Variants in ADARB2 observed in about 807,000 individuals in gnomAD.
The protein encoded by ADARB2 is inactive double-stranded RNA-specific editase B2.
A neutral mutation model predicts 62.2 loss-of-function variants in ADARB2; 25 were observed. That is an observed-to-expected ratio of 0.40 (90% CI 0.29 to 0.56). The LOEUF (loss-of-function observed/expected upper bound fraction) is 0.56, where lower values mean the gene tolerates loss of function less well. Among genes scored for constraint, ADARB2 ranks in the 20% least tolerant of loss-of-function variants. ADARB2 has a pLI of 0.43. For synonymous variants in ADARB2, 572 were observed against 500.8 expected, an observed-to-expected ratio of 1.14 and a Z score of -1.90; for missense variants, 1,071 against 1,077.4, an observed-to-expected ratio of 0.99 and a Z score of 0.08.
chr10:1,428,372 C>T (rs993448865), intron 1 of ADARB2, among the ~76,000 whole-genome samples: 5 of 149,986 alleles, frequency 3.3e-5, no homozygotes, highest in Non-Finnish European at 5.9e-5. Flanking sequence ...CTGCAAGCTC[C>T]GCCTCCCAGG....
intron 1 of ADARB2, among the ~76,000 whole-genome samples, chr10:1,437,355 G>A (rs1037990720): frequency 1.3e-5 from 2 of 151,156 alleles, no homozygotes; most frequent in East Asian, 2.0e-4. Flanking sequence ...TTATTATGTC[G>A]TTTCTATGTA....
At chr10:1,327,287 T>A (rs1425554605) in intron 3 of ADARB2, among the ~76,000 whole-genome samples, 4 of 48,098 alleles carry the variant, frequency 8.3e-5, no homozygotes, top group East Asian at 5.9e-4. Flanking sequence ...GCCTCCTCAC[T>A]GCCCAGCGCC....
intron 1 of ADARB2, among the ~76,000 whole-genome samples, chr10:1,451,944 AT>A (rs924415478): frequency 3.3e-5 from 5 of 151,384 alleles, no homozygotes; most frequent in African/African-American, 9.7e-5. Flanking sequence ...ATGAGTGGAT[AT>A]TTTTTTTTAG....
At position 1,286,961 on chromosome 10, in the gene ADARB2, C is replaced by T. The variant is rs565572206; in HGVS notation, c.1078-15892G>A. 3.9e-5 allele frequency among the ~76,000 whole-genome samples: 6 copies of T among 152,288 alleles called. No homozygotes were observed. In the South Asian group the frequency reaches 1.2e-3, roughly 32 times the overall value. On this transcript the variant is annotated intron_variant, in intron 3 of 9. Transcript: ENST00000381312. ...ACATAACATTTTTTTAGAAAAAATA[C>T]AGAAATAACTCACCCCCACGTGCCT... is the stretch of plus-strand genomic sequence containing the variant.
intron 1 of ADARB2, among the ~76,000 whole-genome samples, chr10:1,563,286 G>A (rs1212207151): frequency 6.6e-6 from 1 of 152,056 alleles, no homozygotes; most frequent in Non-Finnish European, 1.5e-5. Context: ...GTCCCCCTAA[G>A]GTGCGGACGT....
chr10:1,301,584 TCCTCCCTCCTTC>T (rs758741485), intron 3 of ADARB2, among the ~76,000 whole-genome samples: 7 of 151,944 alleles, frequency 4.6e-5, no homozygotes, highest in Non-Finnish European at 2.9e-5. Flanking sequence ...GTCCCTCCAT[TCCTCCCTCCTTC>T]CCTCCCTCTT....
chr10:1,653,582 C>T (rs1378142891), intron 1 of ADARB2, among the ~76,000 whole-genome samples: 5 of 150,418 alleles, frequency 3.3e-5, no homozygotes, highest in African/African-American at 1.2e-4. Context: ...GCCTCATGTG[C>T]CTGCAGAGCC....
intron 4 of ADARB2, among the ~76,000 whole-genome samples, chr10:1,269,243 A>G (rs2096388406): frequency 6.6e-6 from 1 of 152,178 alleles, no homozygotes; most frequent in African/African-American, 2.4e-5. Flanking sequence ...TTTTGTTTAT[A>G]TGGACCAGCA....
At chr10:1,630,903 C>A (rs537835024) in intron 1 of ADARB2, among the ~76,000 whole-genome samples, 1 of 151,752 alleles carries the variant, frequency 6.6e-6, no homozygotes, top group African/African-American at 2.4e-5. Context: ...TGCAGTGAGC[C>A]GAGATCATGC....
chr10:1,362,778 C>G (rs1388379300), intron 3 of ADARB2, among the ~76,000 whole-genome samples: 1 of 152,204 alleles, frequency 6.6e-6, no homozygotes, highest in Non-Finnish European at 1.5e-5. Context: ...CAGACAGAGG[C>G]GCCCTGGCCG....
rs1257996311 is a variant in ADARB2 at position 1,261,494 on chromosome 10, T to C, written c.1192+9461A>G. Among the ~76,000 whole-genome samples the C allele has an allele frequency of 1.3e-5, 2 of 150,254 alleles. 1 individual carries two copies. Among genetic ancestry groups the C allele is most frequent in the African/African-American group, 5.0e-5 (2 of 39,614 alleles). On this transcript the variant is annotated intron_variant, in intron 4 of 9. Coordinates refer to ENST00000381312, the MANE Select transcript of ADARB2 (RefSeq NM_018702.4). ...CCCATAAAAAAGTGGGCAAAGGACATGAACAGACACTTCTCAAAAGAAGAC... is the reference window on the plus strand; with the variant it reads ...CCCATAAAAAAGTGGGCAAAGGACACGAACAGACACTTCTCAAAAGAAGAC...
At chr10:1,523,051 C>T (rs1267522570) in intron 1 of ADARB2, among the ~76,000 whole-genome samples, 1 of 152,186 alleles carries the variant, frequency 6.6e-6, no homozygotes, top group Non-Finnish European at 1.5e-5. Context: ...TGCTTGGTGA[C>T]ATCATCCTTT....
intron 7 of ADARB2, among the ~76,000 whole-genome samples, chr10:1,207,084 C>A (rs1303479560): frequency 6.6e-6 from 1 of 152,240 alleles, no homozygotes; most frequent in Non-Finnish European, 1.5e-5. Flanking sequence ...CGGTGGCTCA[C>A]CCCTGTAATC....
intron 3 of ADARB2, chr10:1,290,184 G>A (rs1306924509): frequency 1.3e-5 from 2 of 150,072 alleles, no homozygotes; most frequent in African/African-American, 2.4e-5. Flanking sequence ...TGCAAGGTCA[G>A]GAGCTGACTA....
chr10:1,185,967 G>A (rs1190856256), intron 8 of ADARB2, among the ~76,000 whole-genome samples: 15 of 152,190 alleles, frequency 9.9e-5, no homozygotes, highest in Non-Finnish European at 1.5e-4. Context: ...TCCTTGAGGT[G>A]CTCCTGTGCT....
chr10:1,736,302 G>A (rs1428648746), intron 1 of ADARB2, among the ~76,000 whole-genome samples: 1 of 152,172 alleles, frequency 6.6e-6, no homozygotes, highest in African/African-American at 2.4e-5. Context: ...CAGTGTGAAA[G>A]CCCTCCCTTG....
At chr10:1,243,052 G>A (rs990433141) in intron 4 of ADARB2, among the ~76,000 whole-genome samples, 2 of 152,230 alleles carry the variant, frequency 1.3e-5, no homozygotes, top group African/African-American at 4.8e-5. Flanking sequence ...CTTAGATGGT[G>A]AATTCCTTGA....
At chr10:1,262,643 G>A (rs943175081) in intron 4 of ADARB2, among the ~76,000 whole-genome samples, 25 of 152,294 alleles carry the variant, frequency 1.6e-4, no homozygotes, top group African/African-American at 5.8e-4. Context: ...AGGTGCTGGA[G>A]AGGATGTGGA....
At chr10:1,466,997 G>C (rs1251965389) in intron 1 of ADARB2, among the ~76,000 whole-genome samples, 1 of 152,048 alleles carries the variant, frequency 6.6e-6, no homozygotes, top group East Asian at 1.9e-4. Flanking sequence ...TGAAGGACCG[G>C]CCTTCAGCAG....
Sources: gnomAD v4.1 joint callset for allele counts (sites outside exome capture counted in the v4.1 genomes callset) on GRCh38, gnomAD v4.1.1 for gene constraint, MANE v1.5 for transcripts, NCBI Gene and HGNC (gene_info 2026-07-23, HGNC 2026-07-21) for gene names.